BMP8B: variants seen among roughly 807,000 people sequenced by gnomAD.
BMP8B encodes bone morphogenetic protein 8b, also known as bone morphogenetic protein 8 (osteogenic protein 2).
BMP8B carries 17 observed loss-of-function variants against 30.3 expected under a neutral mutation model. The ratio of observed to expected loss-of-function variants is 0.56; its 90% CI spans 0.38 to 0.84. The LOEUF (loss-of-function observed/expected upper bound fraction) is 0.84, where lower values mean the gene tolerates loss of function less well. BMP8B is among the 40% of genes least tolerant of loss of function. BMP8B has a pLI of 0.00. For synonymous variants in BMP8B, 131 were observed against 214.7 expected, an observed-to-expected ratio of 0.61 and a Z score of 3.41; for missense variants, 253 against 494.6, an observed-to-expected ratio of 0.51 and a Z score of 4.63.
intron 1 of BMP8B, among the ~76,000 whole-genome samples, chr1:39,781,026 T>C (rs935193149): frequency 1.3e-5 from 2 of 152,210 alleles, no homozygotes; most frequent in East Asian, 1.9e-4. Context: ...GGACATTTCT[T>C]CCATTTGGGG....
intron 3 of BMP8B, among the ~76,000 whole-genome samples, chr1:39,766,734 G>A (rs547986256): frequency 1.4e-5 from 2 of 143,452 alleles, no homozygotes; most frequent in South Asian, 4.3e-4. Flanking sequence ...GAGGCCCAGA[G>A]AGAATCCACT....
chr1:39,776,553 G>A (rs528192927), intron 1 of BMP8B, among the ~76,000 whole-genome samples: 13 of 152,240 alleles, frequency 8.5e-5, no homozygotes, highest in Non-Finnish European at 1.3e-4. Flanking sequence ...GACCTGGTCC[G>A]GCCATGGGCA....
At chr1:39,766,299 T>A (rs202138611) in intron 3 of BMP8B, among the ~76,000 whole-genome samples, 23,661 of 142,012 alleles carry the variant, frequency 0.17, 215 homozygotes, top group East Asian at 0.19. Context: ...CTTTAAACAG[T>A]GCCAGTTGTT....
At chr1:39,777,876 T>G in intron 1 of BMP8B, among the ~76,000 whole-genome samples, 1 of 152,178 alleles carries the variant, frequency 6.6e-6, no homozygotes, top group East Asian at 1.9e-4. Flanking sequence ...GAGTCCCTCC[T>G]GGAAGCTGCT....
chr1:39,763,030 C>T, intron 6 of BMP8B, 62 bp downstream of exon 6: 1 of 1,578,828 alleles, frequency 6.3e-7, no homozygotes, highest in African/African-American at 1.3e-5. Context: ...CCAGCTGGAC[C>T]AGACCCCTCT....
At chr1:39,779,032 G>A (rs567926406) in intron 1 of BMP8B, among the ~76,000 whole-genome samples, 3 of 152,338 alleles carry the variant, frequency 2.0e-5, no homozygotes, top group East Asian at 1.9e-4. Flanking sequence ...TTAGAGGCCC[G>A]TGTCAGATTA....
At position 39,788,272 on chromosome 1, in the gene BMP8B, A is replaced by T. The variant is rs770650198; in HGVS notation, c.214T>A (p.Ser72Thr). The T allele has an allele frequency of 4.3e-5, 60 of 1,379,778 alleles. No individual in the cohort carries two copies. Among genetic ancestry groups the T allele is most frequent in the Non-Finnish European group, 8.4e-6 (9 of 1,073,422 alleles). 85.5% of individuals were successfully genotyped at this position (1,379,778 alleles called of 1,614,324 possible). A position where few individuals can be genotyped will look rare whatever the true frequency, so the allele number is the denominator to read the frequency against. ...APPAASRLPASAPLFMLDLYH... is the reference protein window; with the variant it reads ...APPAASRLPATAPLFMLDLYH... ...AGGTCCAGCATGAAGAGCGGCGCGGACGCGGGCAGCCGGGAGGCGGCGGGT... is the reference window on the plus strand; with the variant it reads ...AGGTCCAGCATGAAGAGCGGCGCGGTCGCGGGCAGCCGGGAGGCGGCGGGT... Residue 72 changes from serine (S) to threonine (T), a missense_variant, in exon 1 of 7, where the codon TCC (serine) becomes ACC (threonine). Coordinates refer to ENST00000372827, the MANE Select transcript of BMP8B (RefSeq NM_001720.5). The surrounding 1 kb of genome is among the most constrained non-coding windows in gnomAD (Gnocchi z 5.8).
In BMP8B at chr1:39,788,479, C is replaced by G; in HGVS notation, c.7G>C (p.Ala3Pro). The G allele has an allele frequency of 9.8e-7, 1 of 1,018,994 alleles. No individual in the cohort carries two copies. Among genetic ancestry groups the G allele is most frequent in the Non-Finnish European group, 1.2e-6 (1 of 853,544 alleles). The allele number at this position is 1,018,994 out of a possible 1,614,324, so 63.1% of individuals were successfully genotyped here. MT[A>P]LPGPLWLLGL... ...AGGAGCCAGAGCGGGCCGGGGAGCG[C>G]GGTCATGGCAGGCCGGGGGCGCTCA... is the stretch of plus-strand genomic sequence containing the variant. The change falls in exon 1 of 7, where the codon GCG (alanine) becomes CCG (proline). Residue 3 changes from alanine (A) to proline (P), a missense_variant. Physicochemically the swap from Ala to Pro is conservative, Grantham distance 27. Transcript: ENST00000372827. The surrounding 1 kb of genome is among the most constrained non-coding windows in gnomAD (Gnocchi z 5.8).
chr1:39,763,017 C>T, intron 6 of BMP8B, 75 bp downstream of exon 6: 4 of 1,555,646 alleles, frequency 2.6e-6, no homozygotes, highest in Non-Finnish European at 2.7e-6. Flanking sequence ...ACTGCCCTCC[C>T]AGCCAGCTGG....
intron 3 of BMP8B, chr1:39,769,769 T>C (rs1245071354): frequency 6.2e-7 from 1 of 1,612,906 alleles, no homozygotes; most frequent in East Asian, 2.2e-5. Context: ...CGTGCTCTTT[T>C]TGATGTCGTC....
Position 39,788,632 on chromosome 1 carries a change from G to C in BMP8B, c.-147C>G, listed in dbSNP as rs1454300564. The C allele has an allele frequency of 1.3e-6, 1 of 762,380 alleles. No homozygotes were observed. Among genetic ancestry groups the C allele is most frequent in the Admixed American group, 6.3e-5 (1 of 15,808 alleles). The allele number at this position is 762,380 out of a possible 1,614,324, so 47.2% of individuals were successfully genotyped here. ...GCGGGGCGGGACGGGCGGCGACCGCGGCCTCAGCGCGGTCCCTGGAGCGCC... is the reference window on the plus strand; with the variant it reads ...GCGGGGCGGGACGGGCGGCGACCGCCGCCTCAGCGCGGTCCCTGGAGCGCC... On this transcript the variant is annotated 5_prime_UTR_variant, in exon 1 of 7. Coordinates refer to ENST00000372827, the MANE Select transcript of BMP8B (RefSeq NM_001720.5). The surrounding 1 kb of genome is among the most constrained non-coding windows in gnomAD (Gnocchi z 5.8).
At chr1:39,783,061 G>A (rs12126521) in intron 1 of BMP8B, among the ~76,000 whole-genome samples, 21,787 of 152,116 alleles carry the variant, frequency 0.14, 1,959 homozygotes, top group Middle Eastern at 0.29. Context: ...CACCTGGCCG[G>A]ATACAGGCAT....
chr1:39,787,851 C>T (rs1252918802), intron 1 of BMP8B, among the ~76,000 whole-genome samples: 2 of 152,234 alleles, frequency 1.3e-5, no homozygotes, highest in African/African-American at 2.4e-5. Flanking sequence ...GCTGTCTTCC[C>T]GGGGCAGCCC....
rs1651153554 is a variant in BMP8B at position 39,788,358 on chromosome 1, T to C, written c.128A>G (p.Asp43Gly). 2 of 1,153,356 alleles carry C rather than the reference T, an allele frequency of 1.7e-6. No individual in the cohort carries two copies. Among genetic ancestry groups the C allele is most frequent in the Admixed American group, 4.8e-5 (1 of 20,854 alleles). 71.4% of individuals were successfully genotyped at this position (1,153,356 alleles called of 1,614,324 possible). Residue 43 changes from aspartate (D) to glycine (G), a missense_variant, in exon 1 of 7, where the codon GAC (aspartate) becomes GGC (glycine). By Grantham distance (94) the Asp-to-Gly change is moderately conservative. This residue lies in a region of BMP8B where 54 missense variants were observed against 70.8 expected (regional missense o/e 0.76). Transcript: ENST00000372827. The surrounding 1 kb of genome is among the most constrained non-coding windows in gnomAD (Gnocchi z 5.8). ...QRRLGARERRDVQREILAVLG... is the reference protein window; with the variant it reads ...QRRLGARERRGVQREILAVLG... ...CACCGCCAGGATCTCGCGCTGCACG[T>C]CCCGGCGCTCGCGCGCGCCCAGACG...
chr1:39,760,665 G>T, intron 6 of BMP8B, 97 bp from the exon 7 acceptor site: 1 of 1,453,114 alleles, frequency 6.9e-7, no homozygotes, highest in Non-Finnish European at 9.2e-7. Flanking sequence ...CCCTGCCCTG[G>T]CCATCTCCAG....
At chr1:39,762,586 T>TG (rs755183076) in intron 6 of BMP8B, 5 of 1,544,970 alleles carry the variant, frequency 3.2e-6, no homozygotes, top group Non-Finnish European at 3.5e-6. Flanking sequence ...AGAGAGAAAC[T>TG]GGGGGAAAAG....
intron 1 of BMP8B, among the ~76,000 whole-genome samples, chr1:39,776,635 G>T (rs1310003598): frequency 6.6e-6 from 1 of 152,198 alleles, no homozygotes; most frequent in Admixed American, 6.5e-5. Flanking sequence ...GCTCATCCCA[G>T]CCCAGGGCGG....
chr1:39,758,832 A>T lies in BMP8B; in HGVS notation c.*1587T>A, dbSNP rs930961085. Reference sequence around the variant, plus strand: ...AGGGTCTCTTCCTCTGCGCTTGCACATGGAGGCCCTCCCTGGTCCAGGTGG... The same window carrying T: ...AGGGTCTCTTCCTCTGCGCTTGCACTTGGAGGCCCTCCCTGGTCCAGGTGG... On this transcript the variant is annotated 3_prime_UTR_variant, in exon 7 of 7. Transcript: ENST00000372827. The T allele has an allele frequency of 3.9e-5, 6 of 152,184 alleles. No individual in the cohort carries two copies. The highest frequency in any genetic ancestry group is 1.4e-4 in the African/African-American group (6 of 41,424). 9.4% of individuals were successfully genotyped at this position (152,184 alleles called of 1,614,324 possible).
chr1:39,778,566 C>T (rs2695329), intron 1 of BMP8B, among the ~76,000 whole-genome samples: 64 of 151,874 alleles, frequency 4.2e-4, no homozygotes, highest in South Asian at 1.0e-3. Context: ...TATTTCCAGC[C>T]GGGTCTCATC....
Sources: gnomAD v4.1 joint callset for allele counts (sites outside exome capture counted in the v4.1 genomes callset) on GRCh38, gnomAD v4.1.1 for gene constraint, gnomAD v4.1.1 regional missense constraint, Gnocchi (gnomAD v3.1) non-coding constraint, MANE v1.5 for transcripts, NCBI Gene and HGNC (gene_info 2026-07-23, HGNC 2026-07-21) for gene names.